PAX1: variants seen among roughly 807,000 people sequenced by gnomAD.
PAX1 encodes the protein paired box 1.
In PAX1, 18 loss-of-function variants were observed where a neutral mutation model predicts 35.6. That is an observed-to-expected ratio of 0.50 (90% CI 0.35 to 0.75). PAX1 has a LOEUF of 0.75. Among genes scored for constraint, PAX1 ranks in the 30% least tolerant of loss-of-function variants. PAX1 has a pLI of 0.01. For missense variants in PAX1, 760 were observed against 661.5 expected (o/e 1.15, Z -1.63); for synonymous variants, 397 against 305.2 (o/e 1.30, Z -3.14).
rs548482208 is a variant in PAX1 at position 21,706,363 on chromosome 20, C to A, written c.287-75C>A. 6.4e-7 allele frequency: 1 copy of A among 1,574,182 alleles called. No homozygotes were observed. The highest frequency in any genetic ancestry group is 8.7e-7 in the Non-Finnish European group (1 of 1,154,392). On this transcript the variant is annotated intron_variant, in intron 1 of 4. Transcript: ENST00000613128. This position sits in a 1 kb window ranked among gnomAD's most constrained non-coding sequence, Gnocchi z 5.3. ...GTGCGCCTGGGTGCAGTCCCTCGCT[C>A]CGCGTGGGGACCCTTGGCTAACCCG... is the stretch of plus-strand genomic sequence containing the variant.
At chr20:21,714,266 A>G (rs887539920) in intron 4 of PAX1, among the ~76,000 whole-genome samples, 1 of 152,146 alleles carries the variant, frequency 6.6e-6, no homozygotes, top group Admixed American at 6.5e-5. Flanking sequence ...CTCTCCTTGC[A>G]AGTGGCTCTC....
At position 21,715,019 on chromosome 20, in the gene PAX1, C is replaced by T. The variant is rs1016595889; in HGVS notation, c.*457C>T. 1.6e-6 allele frequency: 1 copy of T among 630,126 alleles called. No individual in the cohort carries two copies. Among genetic ancestry groups the T allele is most frequent in the Non-Finnish European group, 2.8e-6 (1 of 353,634 alleles). The allele number at this position is 630,126 out of a possible 1,614,324, so 39.0% of individuals were successfully genotyped here. ...TTTCCCCGACCTTCCAGGGCTCCCT[C>T]TGCCCTTCCACTCTCTTTTCCTTGC... is the stretch of plus-strand genomic sequence containing the variant. On this transcript the variant is annotated 3_prime_UTR_variant, in exon 5 of 5. Coordinates refer to ENST00000613128, the MANE Select transcript of PAX1 (RefSeq NM_001257096.2).
Position 21,714,481 on chromosome 20 carries a change from G to C in PAX1, c.1293G>C (p.Arg431Ser), listed in dbSNP as rs757697560. 3.8e-6 allele frequency: 6 copies of C among 1,581,108 alleles called. No individual in the cohort carries two copies. Among genetic ancestry groups the C allele is most frequent in the Non-Finnish European group, 5.1e-6 (6 of 1,165,960 alleles). The change falls in exon 5 of 5, where the codon AGG becomes AGC. Residue 431 changes from arginine (R) to serine (S), a missense_variant. By Grantham distance (110) the Arg-to-Ser change is moderately radical. Around this residue, in one of 3 missense-constraint regions of PAX1, gnomAD observed 490 missense variants for 428.4 expected, o/e 1.14. Coordinates refer to ENST00000613128, the MANE Select transcript of PAX1 (RefSeq NM_001257096.2). The part of the protein sequence containing the change: ...FKHPSREVAD[R>S]KPPSSGSKAP... ...TGCTTCCTCCCGCAGTGGCTGACAGGAAGCCTCCCAGCTCCGGCAGCAAGG... is the reference window on the plus strand; with the variant it reads ...TGCTTCCTCCCGCAGTGGCTGACAGCAAGCCTCCCAGCTCCGGCAGCAAGG...
Position 21,716,447 on chromosome 20 carries a change from A to T in PAX1, c.*1885A>T, listed in dbSNP as rs1323162010. On this transcript the variant is annotated 3_prime_UTR_variant, in exon 5 of 5. Transcript: ENST00000613128. Reference sequence around the variant, plus strand: ...AGTATCTGTTGAAGGTATCAATTATAAAAAAGTACTTACTTTTTTCCTAGA... The same window carrying T: ...AGTATCTGTTGAAGGTATCAATTATTAAAAAGTACTTACTTTTTTCCTAGA... 1 of 151,858 alleles carries T rather than the reference A, an allele frequency of 6.6e-6. No individual in the cohort carries two copies. The highest frequency in any genetic ancestry group is 2.4e-5 in the African/African-American group (1 of 41,328). The allele number at this position is 151,858 out of a possible 1,614,324, so 9.4% of individuals were successfully genotyped here.
At chr20:21,708,007 G>A (rs1481968407) in intron 2 of PAX1, among the ~76,000 whole-genome samples, 1 of 152,180 alleles carries the variant, frequency 6.6e-6, no homozygotes, top group Non-Finnish European at 1.5e-5. Flanking sequence ...CACCAAGCCT[G>A]CACGCAGATC....
At chr20:21,713,648 G>A (rs1985269675) in intron 4 of PAX1, among the ~76,000 whole-genome samples, 1 of 152,170 alleles carries the variant, frequency 6.6e-6, no homozygotes, top group South Asian at 2.1e-4. Context: ...GCTCAAGGTT[G>A]GGAAAGGAAA....
chr20:21,708,356 C>A (rs1026220545), intron 2 of PAX1: 4 of 720,422 alleles, frequency 5.6e-6, no homozygotes, highest in Non-Finnish European at 5.1e-6. Flanking sequence ...GAGGACCGGG[C>A]AGCAGGCCTG....
intron 4 of PAX1, 123 bp downstream of exon 4, chr20:21,709,567 C>G: frequency 1.4e-6 from 1 of 709,756 alleles, no homozygotes; most frequent in Admixed American, 3.0e-5. Flanking sequence ...GGCATGAACC[C>G]TTCTTCTGGG....
intron 4 of PAX1, among the ~76,000 whole-genome samples, chr20:21,710,231 C>T (rs1359698968): frequency 1.3e-5 from 2 of 152,162 alleles, no homozygotes; most frequent in Admixed American, 6.5e-5. Flanking sequence ...CACTGACAGT[C>T]AGCAGTGTGA....
chr20:21,705,890 C>A lies in PAX1; in HGVS notation c.178C>A (p.Leu60Ile). 7.1e-7 allele frequency: 1 copy of A among 1,403,252 alleles called. No individual in the cohort carries two copies. 86.9% of individuals were successfully genotyped at this position (1,403,252 alleles called of 1,614,324 possible). A position where few individuals can be genotyped will look rare whatever the true frequency, so the allele number is the denominator to read the frequency against. Residue 60 changes from leucine (L) to isoleucine (I), a missense_variant, in exon 1 of 5, where the codon CTC (leucine) becomes ATC (isoleucine). This residue lies in a region of PAX1 where 222 missense variants were observed against 153.0 expected (regional missense o/e 1.45). Transcript: ENST00000613128. ...GCTCTCGGGCGCCCTCCCTCTATGC[C>A]TCTCACGCGGCGGCGGCGGCGCCCA... ...SRLSGALPLCLSRGGGGAQAL... is the reference protein window; with the variant it reads ...SRLSGALPLCISRGGGGAQAL...
Position 21,708,553 on chromosome 20 carries a change from T to A in PAX1, c.917-5T>A, listed in dbSNP as rs1985089789. 1.2e-6 allele frequency: 2 copies of A among 1,613,384 alleles called. No individual in the cohort carries two copies. Among genetic ancestry groups the A allele is most frequent in the East Asian group, 4.5e-5 (2 of 44,894 alleles). On this transcript the variant is annotated splice_region_variant and splice_polypyrimidine_tract_variant and intron_variant, in intron 2 of 4. Transcript: ENST00000613128. ...ACCTTTTAATCCGTCCTCTCTCTCC[T>A]GCAGGGGCCCTGGCTGGGAGCGAAG...
Position 21,715,013 on chromosome 20 carries a change from C to G in PAX1, c.*451C>G. 1.6e-6 allele frequency: 1 copy of G among 634,134 alleles called. No homozygotes were observed. The highest frequency in any genetic ancestry group is 2.4e-5 in the Admixed American group (1 of 41,524). The allele number at this position is 634,134 out of a possible 1,614,324, so 39.3% of individuals were successfully genotyped here. On this transcript the variant is annotated 3_prime_UTR_variant, in exon 5 of 5. Coordinates refer to ENST00000613128, the MANE Select transcript of PAX1 (RefSeq NM_001257096.2). ...CCCGGCTTTCCCCGACCTTCCAGGG[C>G]TCCCTCTGCCCTTCCACTCTCTTTT... is the stretch of plus-strand genomic sequence containing the variant.
chr20:21,707,782 C>T (rs572517771), intron 2 of PAX1, among the ~76,000 whole-genome samples: 83 of 152,262 alleles, frequency 5.5e-4, no homozygotes, highest in Middle Eastern at 3.4e-3. Context: ...CAGGGGATGG[C>T]ACACTCTTAG....
chr20:21,709,491 A>T (rs748005657), intron 4 of PAX1, 47 bp downstream of exon 4: 1 of 1,405,470 alleles, frequency 7.1e-7, no homozygotes, highest in Non-Finnish European at 9.5e-7. Context: ...AAGGGTTAGG[A>T]AGGGTACTGG....
Position 21,706,267 on chromosome 20 carries a change from C to T in PAX1, c.287-171C>T. 1.1e-6 allele frequency: 1 copy of T among 949,572 alleles called. No individual in the cohort carries two copies. The highest frequency in any genetic ancestry group is 1.4e-5 in the South Asian group (1 of 73,748). 58.8% of individuals were successfully genotyped at this position (949,572 alleles called of 1,614,324 possible). A position where few individuals can be genotyped will look rare whatever the true frequency, so the allele number is the denominator to read the frequency against. ...CGCGGCTCCTCTGCGCCCTTGCCCA[C>T]TCCAAGCCAGACCCAGGCGGTTTGC... On this transcript the variant is annotated intron_variant, in intron 1 of 4. Coordinates refer to ENST00000613128, the MANE Select transcript of PAX1 (RefSeq NM_001257096.2). The surrounding 1 kb of genome is among the most constrained non-coding windows in gnomAD (Gnocchi z 5.3).
At chr20:21,707,178 G>GGGGAGGGCTCCACACTGGCCA (rs1181822364) in intron 2 of PAX1, 111 bp downstream of exon 2, 31 of 1,373,280 alleles carry the variant, frequency 2.3e-5, no homozygotes, top group Non-Finnish European at 2.7e-5. Context: ...TTCTGGCTCA[G>GGGGAGGGCTCCACACTGGCCA]GGGAGGGCTC....
intron 2 of PAX1, 170 bp from the exon 3 acceptor site, chr20:21,708,388 C>A: frequency 1.2e-6 from 1 of 815,618 alleles, no homozygotes; most frequent in South Asian, 1.4e-5. Flanking sequence ...TCCGCCCCAC[C>A]CGGAGTGGTG....
Position 21,707,081 on chromosome 20 carries a change from G to A in PAX1, c.916+14G>A. On this transcript the variant is annotated intron_variant, in intron 2 of 4. Transcript: ENST00000613128. ...TGGAGCAAACAGGTCAGTTGTGGCG[G>A]CCTCCGTAGCCTTCTATTAAGGGGC... 1 of 1,612,960 alleles carries A rather than the reference G, an allele frequency of 6.2e-7. No individual in the cohort carries two copies. Among genetic ancestry groups the A allele is most frequent in the Non-Finnish European group, 8.5e-7 (1 of 1,179,980 alleles).
At position 21,705,948 on chromosome 20, in the gene PAX1, G is replaced by C; in HGVS notation, c.236G>C (p.Gly79Ala). The C allele has an allele frequency of 6.7e-7, 1 of 1,483,034 alleles. No individual in the cohort carries two copies. Among genetic ancestry groups the C allele is most frequent in the East Asian group, 2.7e-5 (1 of 37,734 alleles). 91.9% of individuals were successfully genotyped at this position (1,483,034 alleles called of 1,614,324 possible). A position where few individuals can be genotyped will look rare whatever the true frequency, so the allele number is the denominator to read the frequency against. Residue 79 changes from glycine (G) to alanine (A), a missense_variant, in exon 1 of 5, where the codon GGC (glycine) becomes GCC (alanine). Coordinates refer to ENST00000613128, the MANE Select transcript of PAX1 (RefSeq NM_001257096.2). ...CCGGACTGCGCCGGGCCCAGCCCCGGCCACCCCGGCCACCCCGGCGCCAGG... is the reference window on the plus strand; with the variant it reads ...CCGGACTGCGCCGGGCCCAGCCCCGCCCACCCCGGCCACCCCGGCGCCAGG... ...ALPDCAGPSP[G>A]HPGHPGARQL...
Sources: gnomAD v4.1 joint callset for allele counts (sites outside exome capture counted in the v4.1 genomes callset) on GRCh38, gnomAD v4.1.1 for gene constraint, gnomAD v4.1.1 regional missense constraint, Gnocchi (gnomAD v3.1) non-coding constraint, MANE v1.5 for transcripts, NCBI Gene and HGNC (gene_info 2026-07-23, HGNC 2026-07-21) for gene names.